The following TESPA1 variants were observed in gnomAD, a reference collection of about 807,000 sequenced individuals.
TESPA1 encodes thymocyte expressed, positive selection associated 1.
In TESPA1, 33 loss-of-function variants were observed where a neutral mutation model predicts 57.9. That is an observed-to-expected ratio of 0.57 (90% confidence interval 0.43 to 0.76). TESPA1 has a LOEUF of 0.76. Ranked by LOEUF, TESPA1 falls within the 30% of genes least tolerant of loss-of-function variation. The pLI is 0.00. For synonymous variants in TESPA1, 227 were observed against 228.9 expected (o/e 0.99, Z 0.07); for missense variants, 618 against 632.9 (o/e 0.98, Z 0.25).
intron 7 of TESPA1, 66 bp from the exon 8 acceptor site, chr12:54,964,016 A>G (rs913040547): frequency 2.7e-6 from 4 of 1,464,656 alleles, no homozygotes; most frequent in African/African-American, 2.8e-5. Context: ...AGAATATCAG[A>G]ATATCTAATA....
intron 9 of TESPA1, 41 bp from the exon 10 acceptor site, chr12:54,961,308 G>A: frequency 6.2e-7 from 1 of 1,611,292 alleles, no homozygotes; most frequent in South Asian, 1.1e-5. Context: ...GAGCCAAGGG[G>A]GAAAGGGGGT....
chr12:54,968,766 A>T (rs1951612744), intron 3 of TESPA1, among the ~76,000 whole-genome samples: 2 of 152,062 alleles, frequency 1.3e-5, no homozygotes, highest in African/African-American at 4.8e-5. Flanking sequence ...TGGTGCTTTA[A>T]ATGTAATCTC....
Position 54,968,137 on chromosome 12 carries a change from G to A in TESPA1, c.207-245C>T, listed in dbSNP as rs1951566155. ...TTGTGCTTCTGTTGTCCTGGCCACA[G>A]GACTAAAGGACGAAAGTCAACTTAA... On this transcript the variant is annotated intron_variant, in intron 3 of 10. Transcript: ENST00000449076. 3.4e-5 allele frequency: 27 copies of A among 800,140 alleles called. 1 individual carries two copies. The South Asian group carries it at 4.6e-4, about 14-fold the overall frequency. 49.6% of individuals were successfully genotyped at this position (800,140 alleles called of 1,614,324 possible).
At chr12:54,952,966 T>C (rs1950489609) in intron 10 of TESPA1, among the ~76,000 whole-genome samples, 1 of 152,168 alleles carries the variant, frequency 6.6e-6, no homozygotes, top group Admixed American at 6.5e-5. Context: ...GTCTAATCGG[T>C]CCTGGCTTAG....
At position 54,954,156 on chromosome 12, in the gene TESPA1, G is replaced by GT. The variant is rs144446749; in HGVS notation, c.*2-3767dup. 1.5e-3 allele frequency among the ~76,000 whole-genome samples: 223 copies of GT among 152,268 alleles called. 2 individuals carry two copies. Among genetic ancestry groups the GT allele is most frequent in the African/African-American group, 5.2e-3 (217 of 41,544 alleles). On this transcript the variant is annotated intron_variant, in intron 10 of 10. Coordinates refer to ENST00000449076, the MANE Select transcript of TESPA1 (RefSeq NM_001136030.3). ...GTAGCGAGGCTTGCCCTGATCCACAGTAACAGCCTAAACTTCTGCTCAATC... is the reference window on the plus strand; with the variant it reads ...GTAGCGAGGCTTGCCCTGATCCACAGTTAACAGCCTAAACTTCTGCTCAATC...
rs1349160945 is a variant in TESPA1 at position 54,963,865 on chromosome 12, T to G, written c.532A>C (p.Thr178Pro). The change falls in exon 8 of 11, where the codon ACT (threonine) becomes CCT (proline). Residue 178 changes from threonine to proline, a missense_variant. By Grantham distance (38) the Thr-to-Pro change is conservative. This residue lies in a region of TESPA1 where 409 missense variants were observed against 420.1 expected (regional missense o/e 0.97). Transcript: ENST00000449076. ...AAAAATCGGGCGGGTATCCGAGAAG[T>G]GTCTTTGTGATCCTCTTGGCCAAAG... ...LGFGQEDHKD[T>P]SRIPARFFTT... 3.1e-6 allele frequency: 5 copies of G among 1,613,888 alleles called. No individual in the cohort carries two copies. Among genetic ancestry groups the G allele is most frequent in the Non-Finnish European group, 4.2e-6 (5 of 1,179,888 alleles).
At chr12:54,965,617 G>T (rs2136123328) in intron 7 of TESPA1, among the ~76,000 whole-genome samples, 1 of 152,270 alleles carries the variant, frequency 6.6e-6, no homozygotes, top group Middle Eastern at 3.4e-3. Context: ...TTGATTCCAT[G>T]TCTTTGCTAT....
chr12:54,967,310 T>C, intron 4 of TESPA1, 74 bp from the exon 5 acceptor site: 2 of 1,501,622 alleles, frequency 1.3e-6, no homozygotes, highest in Non-Finnish European at 1.8e-6. Context: ...CACCCCTGCA[T>C]ACACGAACAT....
intron 8 of TESPA1, 24 bp from the exon 9 acceptor site, chr12:54,963,266 T>TA: frequency 6.3e-7 from 1 of 1,585,804 alleles, no homozygotes; most frequent in South Asian, 1.1e-5. Context: ...TTAAAGATGG[T>TA]AAGTCTGGGG....
intron 1 of TESPA1, chr12:54,981,788 A>C (rs1952333747): frequency 6.6e-6 from 1 of 152,256 alleles, no homozygotes; most frequent in Admixed American, 6.5e-5. Flanking sequence ...TCTGAGTTCC[A>C]GATGCATGCT....
chr12:54,964,252 A>G (rs1951275373), intron 7 of TESPA1, among the ~76,000 whole-genome samples: 1 of 152,246 alleles, frequency 6.6e-6, no homozygotes, highest in Non-Finnish European at 1.5e-5. Flanking sequence ...GAAAAATAAG[A>G]GCAGCATAGA....
intron 3 of TESPA1, among the ~76,000 whole-genome samples, chr12:54,969,290 T>C (rs1951675342): frequency 6.6e-6 from 1 of 151,830 alleles, no homozygotes. Context: ...ATAAAGTATG[T>C]TGTGGTATAA....
chr12:54,967,871 A>G lies in TESPA1; in HGVS notation c.228T>C (p.Ser76=), dbSNP rs181131352. 1,107 of 1,613,740 alleles carry G rather than the reference A, an allele frequency of 6.9e-4. 7 individuals carry two copies. The highest frequency in any genetic ancestry group is 3.8e-4 in the East Asian group (17 of 44,872). The change falls in exon 4 of 11, where the codon TCT becomes TCC. Residue 76 remains serine, a synonymous_variant. Coordinates refer to ENST00000449076, the MANE Select transcript of TESPA1 (RefSeq NM_001136030.3). ...TGTAGATAAACTGTCCTGCTTCCTC[A>G]GAAAATCCTTCTTCAGAGTATCTAA... ...QDCGYSEEGF[S]EEAGQFIYNG...
At chr12:54,969,199 G>T (rs929231939) in intron 3 of TESPA1, among the ~76,000 whole-genome samples, 1 of 151,038 alleles carries the variant, frequency 6.6e-6, no homozygotes, top group Non-Finnish European at 1.5e-5. Flanking sequence ...TGAAATAATA[G>T]GCAAGCTCAT....
At chr12:54,965,926 T>C (rs902652159) in intron 7 of TESPA1, 127 bp downstream of exon 7, 9 of 827,614 alleles carry the variant, frequency 1.1e-5, no homozygotes, top group Non-Finnish European at 1.7e-5. Flanking sequence ...ATTTTTCAAG[T>C]ATGCAGTAAA....
At chr12:54,955,614 A>G (rs1396971399) in intron 10 of TESPA1, among the ~76,000 whole-genome samples, 1 of 152,212 alleles carries the variant, frequency 6.6e-6, no homozygotes, top group Non-Finnish European at 1.5e-5. Context: ...CAGCCATGTA[A>G]TGGGTTGTAT....
At chr12:54,968,515 C>G (rs1470917662) in intron 3 of TESPA1, among the ~76,000 whole-genome samples, 1 of 152,172 alleles carries the variant, frequency 6.6e-6, no homozygotes, top group African/African-American at 2.4e-5. Context: ...GTTTTACAAA[C>G]AAGGAAGAAA....
At chr12:54,965,178 CTTTTT>C (rs971753003) in intron 7 of TESPA1, among the ~76,000 whole-genome samples, 8 of 152,152 alleles carry the variant, frequency 5.3e-5, no homozygotes, top group African/African-American at 1.9e-4. Flanking sequence ...TTCATCTTTT[CTTTTT>C]TTATTTTCAT....
intron 9 of TESPA1, among the ~76,000 whole-genome samples, chr12:54,961,678 A>C (rs1951088164): frequency 4.6e-5 from 7 of 152,218 alleles, no homozygotes; most frequent in Non-Finnish European, 1.0e-4. Context: ...TATTCCTTCT[A>C]GAACATTCTT....
Sources: gnomAD v4.1 joint callset for allele counts (sites outside exome capture counted in the v4.1 genomes callset) on GRCh38, gnomAD v4.1.1 for gene constraint, gnomAD v4.1.1 regional missense constraint, MANE v1.5 for transcripts, NCBI Gene and HGNC (gene_info 2026-07-23, HGNC 2026-07-21) for gene names.